The following TRAF2 variants were observed in gnomAD, a reference collection of about 807,000 sequenced individuals.
TRAF2 encodes the protein TNF receptor-associated factor 2.
In TRAF2, 6 loss-of-function variants were observed where a neutral mutation model predicts 55.6. The ratio of observed to expected loss-of-function variants is 0.11; its 90% CI spans 0.06 to 0.21. The LOEUF is 0.21. Ranked by LOEUF, TRAF2 falls within the 10% of genes least tolerant of loss-of-function variation. The probability of loss-of-function intolerance (pLI) is 1.00; values close to 1 mark genes in which losing one functional copy is unlikely to be tolerated. For missense variants in TRAF2, 561 were observed against 684.5 expected, an observed-to-expected ratio of 0.82 and a Z score of 2.01; for synonymous variants, 329 against 276.3, an observed-to-expected ratio of 1.19 and a Z score of -1.89.
rs1278547278 is a variant in TRAF2, at chr9:136,925,936, C to T, written c.*35C>T. 9 of 1,609,416 alleles carry T rather than the reference C, an allele frequency of 5.6e-6. No homozygotes were observed. Among genetic ancestry groups the T allele is most frequent in the African/African-American group, 1.3e-5 (1 of 74,866 alleles). ...ACTGGTGTCTGGGGGTTGGGGGCAGCCAGGCACAGCCGGCTCACGGAGGGG... is the reference window on the plus strand; with the variant it reads ...ACTGGTGTCTGGGGGTTGGGGGCAGTCAGGCACAGCCGGCTCACGGAGGGG... On this transcript the variant is annotated 3_prime_UTR_variant, in exon 11 of 11. Transcript: ENST00000247668.
In TRAF2 at chr9:136,925,930, G is replaced by T; in HGVS notation, c.*29G>T. 6.2e-7 allele frequency: 1 copy of T among 1,612,472 alleles called. No homozygotes were observed. Among genetic ancestry groups the T allele is most frequent in the Middle Eastern group, 1.7e-4 (1 of 6,060 alleles). ...CCCCCTACTGGTGTCTGGGGGTTGG[G>T]GGCAGCCAGGCACAGCCGGCTCACG... On this transcript the variant is annotated 3_prime_UTR_variant, in exon 11 of 11. Coordinates refer to ENST00000247668, the MANE Select transcript of TRAF2 (RefSeq NM_021138.4).
At chr9:136,895,433 G>T (rs1003221414) in intron 1 of TRAF2, among the ~76,000 whole-genome samples, 1 of 152,252 alleles carries the variant, frequency 6.6e-6, no homozygotes, top group Non-Finnish European at 1.5e-5. Context: ...CTAACAGCCT[G>T]CCTGGAGGCA....
At chr9:136,910,038 A>G (rs1454684214) in intron 6 of TRAF2, 44 bp downstream of exon 6, 5 of 1,087,184 alleles carry the variant, frequency 4.6e-6, no homozygotes, top group Admixed American at 1.8e-5. Flanking sequence ...GGCGGGGCCC[A>G]TGTGTTGGAC....
chr9:136,920,586 G>T (rs780197240), intron 8 of TRAF2, 71 bp downstream of exon 8: 20 of 1,494,674 alleles, frequency 1.3e-5, no homozygotes, highest in Non-Finnish European at 1.7e-5. Context: ...GCCCCAGCAG[G>T]TTCTAGCAGG....
chr9:136,910,830 G>A (rs915795626), intron 6 of TRAF2, among the ~76,000 whole-genome samples: 1 of 152,264 alleles, frequency 6.6e-6, no homozygotes, highest in African/African-American at 2.4e-5. Flanking sequence ...GGACAGGGCT[G>A]TCTCCTCACC....
At chr9:136,915,240 AAGG>A (rs1198941651) in intron 6 of TRAF2, among the ~76,000 whole-genome samples, 1 of 152,178 alleles carries the variant, frequency 6.6e-6, no homozygotes, top group Non-Finnish European at 1.5e-5. Flanking sequence ...AACTACAAAA[AAGG>A]TGCATTCTGA....
At chr9:136,921,704 T>TTC (rs1191725142) in intron 9 of TRAF2, among the ~76,000 whole-genome samples, 1 of 151,326 alleles carries the variant, frequency 6.6e-6, no homozygotes, top group East Asian at 1.9e-4. Context: ...ACCTTTTTTT[T>TTC]TTTTAAACCC....
At position 136,925,641 on chromosome 9, in the gene TRAF2, G is replaced by T. The variant is rs1035743359; in HGVS notation, c.1288-42G>T. The T allele has an allele frequency of 3.8e-6, 6 of 1,597,142 alleles. No individual in the cohort carries two copies. In the South Asian group the frequency reaches 5.5e-5, roughly 15 times the overall value. ...GACCCTCGGGAGCCAGAGAGAGACGGCCCACAGACCTGTGTCCCCTCCCTG... is the reference window on the plus strand; with the variant it reads ...GACCCTCGGGAGCCAGAGAGAGACGTCCCACAGACCTGTGTCCCCTCCCTG... On this transcript the variant is annotated intron_variant, in intron 10 of 10. Transcript: ENST00000247668.
intron 1 of TRAF2, among the ~76,000 whole-genome samples, chr9:136,891,244 G>A (rs540465906): frequency 6.6e-6 from 1 of 152,160 alleles, no homozygotes; most frequent in Admixed American, 6.5e-5. Flanking sequence ...GAGTAGCTGG[G>A]CTTACAGGCT....
At chr9:136,912,827 AGCCT>A (rs1850148938) in intron 6 of TRAF2, among the ~76,000 whole-genome samples, 4 of 152,226 alleles carry the variant, frequency 2.6e-5, no homozygotes, top group Middle Eastern at 3.4e-3. Context: ...ACAGAGTGAG[AGCCT>A]GTCTAAAAAA....
upstream of TRAF2, chr9:136,882,144 C>G (rs1022278524): frequency 2.8e-6 from 2 of 707,888 alleles, no homozygotes; most frequent in Non-Finnish European, 1.7e-6. Flanking sequence ...GCAAGCTGGG[C>G]TCTGTCGTCC....
At chr9:136,923,610 C>CAAAAAA (rs55666712) in intron 9 of TRAF2, among the ~76,000 whole-genome samples, 1 of 67,760 alleles carries the variant, frequency 1.5e-5, no homozygotes, top group African/African-American at 6.2e-5. Context: ...GACTCCATCT[C>CAAAAAA]AAAAAAAAAA....
Position 136,899,602 on chromosome 9 carries a change from C to G in TRAF2, c.197C>G (p.Pro66Arg), listed in dbSNP as rs781037406. 3 of 1,611,878 alleles carry G rather than the reference C, an allele frequency of 1.9e-6. No homozygotes were observed. The highest frequency in any genetic ancestry group is 2.5e-6 in the Non-Finnish European group (3 of 1,178,418). The change falls in exon 3 of 11, where the codon CCT (proline) becomes CGT (arginine). Residue 66 changes from proline (P) to arginine (R), a missense_variant. By Grantham distance (103) the Pro-to-Arg change is moderately radical. This residue lies in a region of TRAF2 where 426 missense variants were observed against 476.8 expected (regional missense o/e 0.89). Coordinates refer to ENST00000247668, the MANE Select transcript of TRAF2 (RefSeq NM_021138.4). ...CCTTTTTTCCCCACTAGCTCTGGGC[C>G]TCAGAACTGTGCTGCCTGTGTTCAC... ...FCLASILSSG[P>R]QNCAACVHEG...
In TRAF2 at chr9:136,908,066, C is replaced by A. The variant is rs1272139713; in HGVS notation, c.367-4C>A. On this transcript the variant is annotated splice_polypyrimidine_tract_variant and splice_region_variant and intron_variant, in intron 4 of 10. Coordinates refer to ENST00000247668, the MANE Select transcript of TRAF2 (RefSeq NM_021138.4). Reference sequence around the variant, plus strand: ...CTACTGACGCTTCCTCCTTTCGTTGCTAGAGCTGCCACGAAGGCCGCTGCC... The same window carrying A: ...CTACTGACGCTTCCTCCTTTCGTTGATAGAGCTGCCACGAAGGCCGCTGCC... 2 of 1,598,776 alleles carry A rather than the reference C, an allele frequency of 1.3e-6. No individual in the cohort carries two copies. The highest frequency in any genetic ancestry group is 1.7e-6 in the Non-Finnish European group (2 of 1,177,168).
intron 4 of TRAF2, 61 bp downstream of exon 4, chr9:136,900,581 T>C: frequency 1.4e-6 from 2 of 1,380,352 alleles, no homozygotes; most frequent in Non-Finnish European, 2.1e-6. Flanking sequence ...TCGTCCACGC[T>C]CCCCAAGCAG....
At chr9:136,917,007 T>A (rs1564418728) in intron 7 of TRAF2, among the ~76,000 whole-genome samples, 1 of 152,154 alleles carries the variant, frequency 6.6e-6, no homozygotes, top group Non-Finnish European at 1.5e-5. Flanking sequence ...ACCCAGCGGC[T>A]GTCGCTGAGC....
chr9:136,908,720 A>ATTAGC (rs1413702002), intron 5 of TRAF2, among the ~76,000 whole-genome samples: 1 of 151,950 alleles, frequency 6.6e-6, no homozygotes, highest in African/African-American at 2.4e-5. Flanking sequence ...CAAAAACAAA[A>ATTAGC]TTAGCTGGGC....
intron 10 of TRAF2, among the ~76,000 whole-genome samples, chr9:136,925,212 C>T (rs1049621991): frequency 2.0e-5 from 3 of 152,170 alleles, no homozygotes; most frequent in Admixed American, 6.5e-5. Flanking sequence ...TGTGGAGGGC[C>T]CACAGGCCCT....
intron 1 of TRAF2, chr9:136,889,542 C>T (rs1242271877): frequency 6.6e-6 from 1 of 152,252 alleles, no homozygotes; most frequent in African/African-American, 2.4e-5. Flanking sequence ...CCTTGGCACT[C>T]CCAAAGTGCT....
Sources: allele counts gnomAD v4.1 joint callset (sites outside exome capture counted in the v4.1 genomes callset), GRCh38; gene constraint gnomAD v4.1.1; regional missense constraint gnomAD v4.1.1; transcripts MANE v1.5; gene names NCBI Gene and HGNC (gene_info 2026-07-23, HGNC 2026-07-21).